The following ALG6 variants were observed in gnomAD, a reference collection of about 807,000 sequenced individuals.
ALG6 encodes the protein dolichyl pyrophosphate Man9GlcNAc2 alpha-1,3-glucosyltransferase.
ALG6 carries 46 observed loss-of-function variants against 66.6 expected under a neutral mutation model. The ratio of observed to expected loss-of-function variants is 0.69; its 90% CI spans 0.55 to 0.88. The LOEUF is 0.88. Ranked by LOEUF, ALG6 falls within the 40% of genes least tolerant of loss-of-function variation. The probability of loss-of-function intolerance (pLI) is 0.00; values close to 1 mark genes in which losing one functional copy is unlikely to be tolerated. For synonymous variants in ALG6, 185 were observed against 203.7 expected (o/e 0.91, Z 0.78); for missense variants, 505 against 586.8 (o/e 0.86, Z 1.44).
chr1:63,372,249 C>T (rs1056435353), intron 2 of ALG6, among the ~76,000 whole-genome samples: 2 of 151,802 alleles, frequency 1.3e-5, no homozygotes, highest in Admixed American at 6.6e-5. Flanking sequence ...CAAATTATTT[C>T]GTTGTAGAAA....
chr1:63,429,755 C>T (rs1644635590), intron 14 of ALG6: 1 of 152,160 alleles, frequency 6.6e-6, no homozygotes, highest in Non-Finnish European at 1.5e-5. Flanking sequence ...AAATAACAGT[C>T]ACATTGGGGG....
At chr1:63,406,952 C>T (rs545047846) in intron 6 of ALG6, 110 bp from the exon 7 acceptor site, 41 of 790,608 alleles carry the variant, frequency 5.2e-5, no homozygotes, top group South Asian at 2.3e-4. Context: ...AAGTGTGACA[C>T]CTCTGGAAAA....
rs1166550103 is a variant in ALG6, at chr1:63,428,943, A to G, written c.1143A>G (p.Leu381=). The G allele has an allele frequency of 1.2e-6, 2 of 1,613,234 alleles. No individual in the cohort carries two copies. Among genetic ancestry groups the G allele is most frequent in the African/African-American group, 1.3e-5 (1 of 75,022 alleles). The change falls in exon 14 of 15, where the codon CTA becomes CTG. Residue 381 remains leucine, a synonymous_variant. Coordinates refer to ENST00000263440, the MANE Select transcript of ALG6 (RefSeq NM_013339.4). ...LVSTFSMLPL[L]LKDELLMPSV... is the part of the protein sequence containing the mutation. Reference sequence around the variant, plus strand: ...TCCTTTACAGTATGCTACCTCTTCTATTGAAGGATGAACTCCTAATGCCCT... The same window carrying G: ...TCCTTTACAGTATGCTACCTCTTCTGTTGAAGGATGAACTCCTAATGCCCT...
In ALG6 at chr1:63,437,411, C is replaced by CT. The variant is rs1465114674; in HGVS notation, c.*393dup. On this transcript the variant is annotated 3_prime_UTR_variant, in exon 15 of 15. Coordinates refer to ENST00000263440, the MANE Select transcript of ALG6 (RefSeq NM_013339.4). ...TTCCTTCATCAGACCATATAGTGAG[C>CT]TTCATGGGAGAATTGAGCCCCTTCT... The CT allele has an allele frequency of 1.6e-5, 3 of 184,692 alleles. No homozygotes were observed. Among genetic ancestry groups the CT allele is most frequent in the Admixed American group, 5.7e-5 (1 of 17,692 alleles). The allele number at this position is 184,692 out of a possible 1,614,324, so 11.4% of individuals were successfully genotyped here.
intron 2 of ALG6, among the ~76,000 whole-genome samples, chr1:63,386,701 T>C (rs1344741066): frequency 1.3e-5 from 2 of 152,178 alleles, no homozygotes; most frequent in Non-Finnish European, 2.9e-5. Flanking sequence ...AAGTCTTCTT[T>C]CTTTTTTTCC....
At chr1:63,374,981 AG>A (rs1476267486) in intron 2 of ALG6, among the ~76,000 whole-genome samples, 1 of 152,082 alleles carries the variant, frequency 6.6e-6, no homozygotes, top group Non-Finnish European at 1.5e-5. Context: ...AGGCTGAGGC[AG>A]GGGGATCACT....
intron 12 of ALG6, among the ~76,000 whole-genome samples, chr1:63,422,642 G>C (rs1330387216): frequency 6.6e-6 from 1 of 151,338 alleles, no homozygotes; most frequent in Non-Finnish European, 1.5e-5. Flanking sequence ...AATGCACGGA[G>C]AAGCCTGATT....
intron 9 of ALG6, 155 bp from the exon 10 acceptor site, chr1:63,413,906 A>T (rs1644529018): frequency 1.7e-6 from 1 of 598,974 alleles, no homozygotes; most frequent in African/African-American, 1.9e-5. Flanking sequence ...GTATGCGTAT[A>T]TGTTTATTCC....
intron 12 of ALG6, 49 bp downstream of exon 12, chr1:63,419,489 T>G: frequency 7.6e-7 from 1 of 1,309,282 alleles, no homozygotes; most frequent in Non-Finnish European, 1.1e-6. Context: ...TAATATAACT[T>G]TATAATTTAC....
intron 3 of ALG6, among the ~76,000 whole-genome samples, chr1:63,397,795 C>T (rs1418783978): frequency 2.0e-5 from 3 of 152,182 alleles, no homozygotes; most frequent in Non-Finnish European, 4.4e-5. Context: ...TATTTATTAG[C>T]TGTGTGACCT....
Position 63,400,299 on chromosome 1 carries a change from A to ATATG in ALG6, c.168-1952_168-1951insGTAT, listed in dbSNP as rs1557587751. Reference sequence around the variant, plus strand: ...TATATATACGTATATATATATACGTATATATATGTATATATATATACGTAT... The same window carrying ATATG: ...TATATATACGTATATATATATACGTATATGTATATATGTATATATATATACGTAT... On this transcript the variant is annotated intron_variant, in intron 3 of 14. Coordinates refer to ENST00000263440, the MANE Select transcript of ALG6 (RefSeq NM_013339.4). Among the ~76,000 whole-genome samples the ATATG allele has an allele frequency of 4.8e-3, 126 of 26,326 alleles. 35 individuals are homozygous for ATATG. The highest frequency in any genetic ancestry group is 0.029 in the African/African-American group (118 of 4,044). The allele number at this position is 26,326 out of a possible 152,430, so 17.3% of individuals were successfully genotyped here.
chr1:63,386,230 G>A (rs151237952), intron 2 of ALG6, among the ~76,000 whole-genome samples: 1 of 151,840 alleles, frequency 6.6e-6, no homozygotes, highest in East Asian at 1.9e-4. Flanking sequence ...ATTTTGTTGT[G>A]GATTTTTGCA....
chr1:63,371,226 G>C (rs1419834022), intron 2 of ALG6, 167 bp downstream of exon 2: 1 of 609,636 alleles, frequency 1.6e-6, no homozygotes, highest in Non-Finnish European at 2.9e-6. Context: ...AAAGAATATG[G>C]ATAACAGCTA....
At chr1:63,428,822 T>C (rs147656204) in intron 13 of ALG6, 21 bp downstream of exon 13, 2 of 1,592,956 alleles carry the variant, frequency 1.3e-6, no homozygotes, top group African/African-American at 1.3e-5. Flanking sequence ...TCAATTTCCA[T>C]ATATTTTCAG....
chr1:63,411,939 G>A lies in ALG6; in HGVS notation c.694G>A (p.Val232Ile). The part of the protein sequence containing the change: ...GLKGKGFVLL[V>I]KLACIVVASF... ...TTTTTGTTTTAGGTTTGTGTTGCTA[G>A]TTAAGCTAGCTTGTATTGTTGTGGC... Residue 232 changes from valine (V) to isoleucine (I), a missense_variant, in exon 9 of 15, where the codon GTT becomes ATT. Physicochemically the swap from Val to Ile is conservative, Grantham distance 29. Transcript: ENST00000263440. 1 of 1,614,078 alleles carries A rather than the reference G, an allele frequency of 6.2e-7. No individual in the cohort carries two copies. Among genetic ancestry groups the A allele is most frequent in the Non-Finnish European group, 8.5e-7 (1 of 1,179,970 alleles).
intron 9 of ALG6, among the ~76,000 whole-genome samples, chr1:63,413,056 T>A (rs113644695): frequency 0.014 from 2,071 of 152,272 alleles, 37 homozygotes; most frequent in African/African-American, 0.048. Flanking sequence ...TCACTATTGT[T>A]ATAACCACCA....
intron 7 of ALG6, among the ~76,000 whole-genome samples, chr1:63,410,482 CT>C (rs1644510765): frequency 6.6e-6 from 1 of 152,108 alleles, no homozygotes; most frequent in Non-Finnish European, 1.5e-5. Flanking sequence ...TCTCAAACTC[CT>C]GGCTCAAGCA....
intron 9 of ALG6, chr1:63,413,655 G>A (rs958781737): frequency 5.9e-6 from 1 of 169,338 alleles, no homozygotes; most frequent in African/African-American, 2.4e-5. Flanking sequence ...TAGCTAGCAG[G>A]TTACTCTGTT....
intron 12 of ALG6, among the ~76,000 whole-genome samples, chr1:63,422,142 T>TATATAA (rs1281441672): frequency 1.8e-5 from 1 of 56,104 alleles, no homozygotes; most frequent in Admixed American, 2.9e-4. Context: ...TATATAAATA[T>TATATAA]ATATAAATAT....
Sources: gnomAD v4.1 joint callset for allele counts (sites outside exome capture counted in the v4.1 genomes callset) on GRCh38, gnomAD v4.1.1 for gene constraint, MANE v1.5 for transcripts, NCBI Gene and HGNC (gene_info 2026-07-23, HGNC 2026-07-21) for gene names.